Variants in CNTLN observed in about 807,000 individuals in gnomAD.
The protein encoded by CNTLN is centlein.
CNTLN carries 212 observed loss-of-function variants against 180.0 expected under a neutral mutation model. The ratio of observed to expected loss-of-function variants is 1.18; its 90% CI spans 1.05 to 1.32. CNTLN has a LOEUF of 1.32. Among genes scored for constraint, CNTLN ranks in the 40% most tolerant of loss-of-function variants. The pLI, the probability that CNTLN is intolerant of heterozygous loss-of-function variation, is 0.00. For missense variants in CNTLN, 2,095 were observed against 1,610.9 expected, an observed-to-expected ratio of 1.30 and a Z score of -5.14; for synonymous variants, 722 against 563.1, an observed-to-expected ratio of 1.28 and a Z score of -3.99.
At chr9:17,228,149 A>G (rs1279104855) in intron 3 of CNTLN, among the ~76,000 whole-genome samples, 3 of 152,102 alleles carry the variant, frequency 2.0e-5, no homozygotes, top group African/African-American at 7.2e-5. Context: ...TAAGTTTGCA[A>G]TGCTTTAGTG....
In CNTLN at chr9:17,265,425, C is replaced by A. The variant is rs548793837; in HGVS notation, c.850-8308C>A. ...CATGGTGGATAAGCTTTTTGATGTG[C>A]TGCTGGATTCGGTTTGCCAGTATTT... is the stretch of plus-strand genomic sequence containing the variant. On this transcript the variant is annotated intron_variant, in intron 5 of 25. Transcript: ENST00000380647. Among the ~76,000 whole-genome samples, 104 of 152,254 alleles carry A rather than the reference C, an allele frequency of 6.8e-4. 1 individual carries two copies. Among genetic ancestry groups the A allele is most frequent in the African/African-American group, 2.4e-3 (99 of 41,554 alleles).
At chr9:17,253,761 G>GTTTTT (rs60517986) in intron 5 of CNTLN, among the ~76,000 whole-genome samples, 8 of 142,690 alleles carry the variant, frequency 5.6e-5, no homozygotes, top group African/African-American at 1.8e-4. Context: ...CTTTTCTATT[G>GTTTTT]TTTTTTTTTT....
chr9:17,331,347 G>A lies in CNTLN; in HGVS notation c.1518+539G>A, dbSNP rs112991312. Among the ~76,000 whole-genome samples the A allele has an allele frequency of 1.0e-4, 12 of 119,336 alleles. No homozygotes were observed. The East Asian group carries it at 1.2e-3, about 11-fold the overall frequency. 78.3% of individuals were successfully genotyped at this position (119,336 alleles called of 152,430 possible). A position where few individuals can be genotyped will look rare whatever the true frequency, so the allele number is the denominator to read the frequency against. ...AATAAGCAAATTTTACATGTTTCTC[G>A]TTTATTAATGTCTCAATTTTTTTTA... On this transcript the variant is annotated intron_variant, in intron 9 of 25. Coordinates refer to ENST00000380647, the MANE Select transcript of CNTLN (RefSeq NM_017738.4).
chr9:17,315,265 T>C lies in CNTLN; in HGVS notation c.1341+6013T>C, dbSNP rs543985785. Reference sequence around the variant, plus strand: ...AGTATTTTTTAGATGGATAGAACTGTTGATTTGCACCATCTTTTCTGTCTT... The same window carrying C: ...AGTATTTTTTAGATGGATAGAACTGCTGATTTGCACCATCTTTTCTGTCTT... On this transcript the variant is annotated intron_variant, in intron 8 of 25. Coordinates refer to ENST00000380647, the MANE Select transcript of CNTLN (RefSeq NM_017738.4). Among the ~76,000 whole-genome samples the C allele has an allele frequency of 2.0e-5, 3 of 152,284 alleles. No homozygotes were observed. The South Asian group carries it at 6.2e-4, about 32-fold the overall frequency.
intron 12 of CNTLN, among the ~76,000 whole-genome samples, chr9:17,350,224 C>T (rs1443664537): frequency 6.6e-6 from 1 of 152,214 alleles, no homozygotes; most frequent in East Asian, 1.9e-4. Context: ...ATATATTACA[C>T]ATTGTCAACC....
chr9:17,174,711 A>AAAAAAAAG (rs1174225322), intron 2 of CNTLN, among the ~76,000 whole-genome samples: 3 of 151,906 alleles, frequency 2.0e-5, no homozygotes, highest in Non-Finnish European at 1.5e-5. Context: ...AAAAAAAAAA[A>AAAAAAAAG]AAAGAAAGAA....
In CNTLN at chr9:17,366,772, T is replaced by A. The variant is rs191687743; in HGVS notation, c.1987+55T>A. 2.8e-4 allele frequency: 284 copies of A among 996,730 alleles called. 2 individuals carry two copies. Among genetic ancestry groups the A allele is most frequent in the African/African-American group, 1.1e-3 (67 of 59,718 alleles). The allele number at this position is 996,730 out of a possible 1,614,324, so 61.7% of individuals were successfully genotyped here. A position where few individuals can be genotyped will look rare whatever the true frequency, so the allele number is the denominator to read the frequency against. ...GAGGAATTTTAAAATTGTGTAATTC[T>A]TGATGTTTTAGTTTCAATTTCTTTT... is the stretch of plus-strand genomic sequence containing the variant. On this transcript the variant is annotated intron_variant, in intron 13 of 25. Coordinates refer to ENST00000380647, the MANE Select transcript of CNTLN (RefSeq NM_017738.4).
At chr9:17,257,246 G>T (rs1241484660) in intron 5 of CNTLN, among the ~76,000 whole-genome samples, 2 of 151,880 alleles carry the variant, frequency 1.3e-5, no homozygotes, top group Admixed American at 6.6e-5. Flanking sequence ...TTGTTCTTGC[G>T]ATAGTTTACT....
At chr9:17,378,219 C>T (rs1824938001) in intron 13 of CNTLN, among the ~76,000 whole-genome samples, 2 of 152,084 alleles carry the variant, frequency 1.3e-5, no homozygotes, top group South Asian at 2.1e-4. Context: ...CTTCCTCTGT[C>T]ACCAGGCTGG....
chr9:17,395,726 G>A (rs1260923949), intron 15 of CNTLN, among the ~76,000 whole-genome samples: 1 of 152,124 alleles, frequency 6.6e-6, no homozygotes, highest in Non-Finnish European at 1.5e-5. Flanking sequence ...AACAGCAACA[G>A]GAGGATACTA....
At position 17,195,949 on chromosome 9, in the gene CNTLN, A is replaced by G. The variant is rs117098120; in HGVS notation, c.450-30254A>G. Among the ~76,000 whole-genome samples the G allele has an allele frequency of 5.0e-4, 76 of 152,316 alleles. 3 individuals carry two copies. In the East Asian group the frequency reaches 0.013, roughly 27 times the overall value. On this transcript the variant is annotated intron_variant, in intron 2 of 25. Coordinates refer to ENST00000380647, the MANE Select transcript of CNTLN (RefSeq NM_017738.4). ...TCTACATAAGATTAAATTTTATTAT[A>G]AGGAATTTTGAAAATGATAGTAAAG...
At chr9:17,259,582 T>G (rs1473082576) in intron 5 of CNTLN, among the ~76,000 whole-genome samples, 3 of 150,844 alleles carry the variant, frequency 2.0e-5, no homozygotes, top group Non-Finnish European at 2.9e-5. Flanking sequence ...CTGGTAGAAT[T>G]CGGCTGTGAA....
At chr9:17,450,457 T>C (rs1830717433) in intron 18 of CNTLN, among the ~76,000 whole-genome samples, 1 of 152,244 alleles carries the variant, frequency 6.6e-6, no homozygotes, top group South Asian at 2.1e-4. Flanking sequence ...ATGTGAAACA[T>C]GAAATGTTAA....
intron 2 of CNTLN, among the ~76,000 whole-genome samples, chr9:17,225,642 G>T (rs1004699905): frequency 6.6e-6 from 1 of 151,680 alleles, no homozygotes; most frequent in Non-Finnish European, 1.5e-5. Flanking sequence ...AGCTATATTT[G>T]TTTTAGAAGA....
intron 15 of CNTLN, among the ~76,000 whole-genome samples, chr9:17,404,734 A>T (rs1039292844): frequency 4.1e-5 from 5 of 123,134 alleles, no homozygotes; most frequent in African/African-American, 1.2e-4. Flanking sequence ...TCCTTCTGAA[A>T]CAAATTTTTT....
At chr9:17,147,316 G>T (rs1818523831) in intron 2 of CNTLN, among the ~76,000 whole-genome samples, 1 of 152,136 alleles carries the variant, frequency 6.6e-6, no homozygotes, top group South Asian at 2.1e-4. Flanking sequence ...TGCAGTTTTT[G>T]GCCATTTGAT....
chr9:17,334,252 G>C (rs1455340943), intron 10 of CNTLN, among the ~76,000 whole-genome samples: 2 of 151,992 alleles, frequency 1.3e-5, no homozygotes, highest in Non-Finnish European at 2.9e-5. Context: ...CAGAGATGGA[G>C]TTTTACCATG....
At chr9:17,144,935 G>A (rs1206469666) in intron 2 of CNTLN, among the ~76,000 whole-genome samples, 3 of 150,624 alleles carry the variant, frequency 2.0e-5, no homozygotes, top group African/African-American at 7.3e-5. Flanking sequence ...TCCGCTTCCC[G>A]GGTTCACGCC....
chr9:17,414,644 A>T (rs188229375), intron 16 of CNTLN, among the ~76,000 whole-genome samples: 10 of 152,284 alleles, frequency 6.6e-5, no homozygotes, highest in African/African-American at 2.4e-4. Flanking sequence ...TGAAAGGAAA[A>T]CCTTATTTTA....
Sources: gnomAD v4.1 joint callset for allele counts (sites outside exome capture counted in the v4.1 genomes callset) on GRCh38, gnomAD v4.1.1 for gene constraint, MANE v1.5 for transcripts, NCBI Gene and HGNC (gene_info 2026-07-23, HGNC 2026-07-21) for gene names.